The following CLEC18A variants were observed in gnomAD, a reference collection of about 807,000 sequenced individuals.
CLEC18A encodes the protein mannose receptor-like 1.
In CLEC18A, 5 loss-of-function variants were observed where a neutral mutation model predicts 24.0. That is an observed-to-expected ratio of 0.21 (90% CI 0.11 to 0.44). CLEC18A has a LOEUF of 0.44. Ranked by LOEUF, CLEC18A falls within the 20% of genes least tolerant of loss-of-function variation. CLEC18A has a pLI of 0.99. For synonymous variants in CLEC18A, 29 were observed against 100.1 expected (o/e 0.29, Z 4.24); for missense variants, 83 against 233.4 (o/e 0.36, Z 4.20).
chr16:69,964,963 C>T (rs564671585), downstream of CLEC18A, among the ~76,000 whole-genome samples: 1 of 152,142 alleles, frequency 6.6e-6, no homozygotes, highest in East Asian at 1.9e-4. Context: ...CACCACGCCC[C>T]GCTATTTTTT....
the CLEC18A span, among the ~76,000 whole-genome samples, chr16:69,944,977 C>T: frequency 7.0e-6 from 1 of 143,678 alleles, no homozygotes. Flanking sequence ...CCCGTCTCTA[C>T]CAAAAATACA....
chr16:69,956,360 T>TTG (rs1555508246), intron 3 of CLEC18A, among the ~76,000 whole-genome samples: 1 of 89,442 alleles, frequency 1.1e-5, no homozygotes, highest in African/African-American at 7.7e-5. Flanking sequence ...GCTCCTTAAT[T>TTG]TTTTTTTTTT....
chr16:69,951,004 C>G, upstream of CLEC18A: 2 of 275,298 alleles, frequency 7.3e-6, no homozygotes, highest in East Asian at 7.8e-5. Flanking sequence ...GGTCACTAAT[C>G]TGCAGCACTG....
upstream of CLEC18A, among the ~76,000 whole-genome samples, chr16:69,946,005 A>C: frequency 6.7e-6 from 1 of 148,686 alleles, no homozygotes; most frequent in Non-Finnish European, 1.5e-5. Flanking sequence ...AGGCAGGAGA[A>C]TCACTTAAAC....
At chr16:69,944,809 C>T in the CLEC18A span, among the ~76,000 whole-genome samples, 6 of 118,766 alleles carry the variant, frequency 5.1e-5, no homozygotes, top group Non-Finnish European at 8.4e-5. Context: ...GCACTCCAGC[C>T]TGGGCGACAG....
chr16:69,944,511 G>A, the CLEC18A span, among the ~76,000 whole-genome samples: 1 of 152,098 alleles, frequency 6.6e-6, no homozygotes, highest in East Asian at 1.9e-4. Context: ...CTGCACTCCA[G>A]CCTGGGCAAC....
chr16:69,954,095 G>A (rs1312278115), intron 2 of CLEC18A, among the ~76,000 whole-genome samples: 6 of 136,676 alleles, frequency 4.4e-5, no homozygotes, highest in Non-Finnish European at 8.0e-5. Flanking sequence ...GGGCAGGGCC[G>A]AAGGATGCCC....
the CLEC18A span, among the ~76,000 whole-genome samples, chr16:69,944,115 G>C: frequency 7.5e-6 from 1 of 134,044 alleles, no homozygotes; most frequent in African/African-American, 2.5e-5. Context: ...GGCCAACATG[G>C]TGAAACGCCA....
chr16:69,964,936 C>T (rs645442), downstream of CLEC18A, among the ~76,000 whole-genome samples: 1 of 152,012 alleles, frequency 6.6e-6, no homozygotes, highest in Admixed American at 6.5e-5. Context: ...CAAGTAGCTG[C>T]AACCACAGGT....
chr16:69,965,590 G>A (rs1351877119), downstream of CLEC18A, among the ~76,000 whole-genome samples: 7 of 149,630 alleles, frequency 4.7e-5, no homozygotes, highest in Admixed American at 4.0e-4. Context: ...TCGTGAGTGG[G>A]GCGGGTGCAG....
upstream of CLEC18A, among the ~76,000 whole-genome samples, chr16:69,946,630 C>G (rs2058911877): frequency 6.7e-6 from 1 of 148,532 alleles, no homozygotes; most frequent in African/African-American, 2.5e-5. Context: ...TCTTGAACTC[C>G]TGACCTCAAG....
At chr16:69,964,810 TTTC>T, downstream of CLEC18A, among the ~76,000 whole-genome samples, 1 of 151,256 alleles carries the variant, frequency 6.6e-6, no homozygotes. Flanking sequence ...GCCCTATTTT[TTTC>T]TTTTTTGAGA....
At chr16:69,965,506 G>A (rs1348130055), downstream of CLEC18A, among the ~76,000 whole-genome samples, 3 of 151,370 alleles carry the variant, frequency 2.0e-5, no homozygotes, top group Non-Finnish European at 4.4e-5. Context: ...GGGCGGTGGG[G>A]ACAGCACAGG....
chr16:69,944,250 C>T, the CLEC18A span, among the ~76,000 whole-genome samples: 3 of 137,706 alleles, frequency 2.2e-5, no homozygotes, highest in African/African-American at 7.3e-5. Context: ...GAGCCAAAAC[C>T]GCACCACTGC....
chr16:69,964,782 C>T (rs1959313548), downstream of CLEC18A, among the ~76,000 whole-genome samples: 1 of 151,610 alleles, frequency 6.6e-6, no homozygotes, highest in Admixed American at 6.6e-5. Flanking sequence ...GGATGACAGG[C>T]GTGAGCCACC....
downstream of CLEC18A, among the ~76,000 whole-genome samples, chr16:69,964,824 CAG>C (rs1292317035): frequency 1.3e-5 from 2 of 151,950 alleles, no homozygotes; most frequent in Admixed American, 6.5e-5. Context: ...TTTTTTGAGA[CAG>C]AGTCTCGCTT....
intron 3 of CLEC18A, among the ~76,000 whole-genome samples, chr16:69,958,699 T>C (rs2059060839): frequency 1.1e-5 from 1 of 89,924 alleles, no homozygotes; most frequent in Non-Finnish European, 2.0e-5. Flanking sequence ...GCCATTGCAC[T>C]CCAGCCTGGG....
At chr16:69,943,700 G>A in the CLEC18A span, among the ~76,000 whole-genome samples, 2 of 149,924 alleles carry the variant, frequency 1.3e-5, no homozygotes, top group Non-Finnish European at 3.0e-5. Context: ...TTGTTTCCAC[G>A]CCTAGGACAT....
At chr16:69,954,618 A>G in intron 3 of CLEC18A, 45 bp downstream of exon 3, 5 of 1,604,742 alleles carry the variant, frequency 3.1e-6, no homozygotes, top group Non-Finnish European at 4.3e-6. Flanking sequence ...TCCCAGATAC[A>G]GACTTCCACT....
Sources: gnomAD v4.1 joint callset for allele counts (sites outside exome capture counted in the v4.1 genomes callset) on GRCh38, gnomAD v4.1.1 for gene constraint, MANE v1.5 for transcripts, NCBI Gene and HGNC (gene_info 2026-07-23, HGNC 2026-07-21) for gene names.